Variants in IP6K1 observed in about 807,000 individuals in gnomAD.
The protein encoded by IP6K1 is ATP:1D-myo-inositol-hexakisphosphate phosphotransferase.
Under a neutral mutation model 38.3 loss-of-function variants are expected in IP6K1, and 13 were observed. The observed-to-expected ratio is 0.34, with a 90% confidence interval of 0.22 to 0.54. The LOEUF is 0.54. Ranked by LOEUF, IP6K1 falls within the 20% of genes least tolerant of loss-of-function variation. The pLI is 0.92. For synonymous variants in IP6K1, 212 were observed against 229.9 expected, an observed-to-expected ratio of 0.92 and a Z score of 0.70; for missense variants, 397 against 599.8, an observed-to-expected ratio of 0.66 and a Z score of 3.53.
chr3:49,772,314 T>TA (rs2080967505), intron 1 of IP6K1, among the ~76,000 whole-genome samples: 1 of 147,566 alleles, frequency 6.8e-6, no homozygotes, highest in African/African-American at 2.5e-5. Flanking sequence ...TTAATATATT[T>TA]TATATATATA....
At chr3:49,766,093 G>A (rs2080909139) in intron 1 of IP6K1, among the ~76,000 whole-genome samples, 1 of 151,818 alleles carries the variant, frequency 6.6e-6, no homozygotes, top group Non-Finnish European at 1.5e-5. Flanking sequence ...GGAGAATGGT[G>A]TCAATCCGGG....
chr3:49,773,021 TG>T (rs2080972963), intron 1 of IP6K1, among the ~76,000 whole-genome samples: 2 of 151,796 alleles, frequency 1.3e-5, no homozygotes, highest in African/African-American at 4.8e-5. Context: ...AAGCGGGCCT[TG>T]CTGGGTTGTC....
At chr3:49,735,949 T>C (rs2080607074) in intron 3 of IP6K1, among the ~76,000 whole-genome samples, 1 of 152,166 alleles carries the variant, frequency 6.6e-6, no homozygotes, top group Admixed American at 6.5e-5. Context: ...GAGTTTTCAC[T>C]CTTGTTGCCC....
intron 2 of IP6K1, among the ~76,000 whole-genome samples, chr3:49,742,838 T>C (rs193056050): frequency 3.7e-4 from 55 of 148,882 alleles, no homozygotes; most frequent in African/African-American, 1.4e-3. Flanking sequence ...CTGTGGTGAG[T>C]TGAGATCGTG....
chr3:49,757,220 C>A (rs1442565624), intron 1 of IP6K1, among the ~76,000 whole-genome samples: 3 of 152,192 alleles, frequency 2.0e-5, no homozygotes, highest in African/African-American at 4.8e-5. Context: ...AAAGCCTGGT[C>A]TCACACATTA....
At chr3:49,729,256 T>TATAAATGAATC (rs1441337889) in intron 4 of IP6K1, among the ~76,000 whole-genome samples, 2 of 152,214 alleles carry the variant, frequency 1.3e-5, no homozygotes, top group African/African-American at 4.8e-5. Flanking sequence ...TCAAGATTCA[T>TATAAATGAATC]TTATGTTGTA....
At chr3:49,747,774 T>TA in intron 2 of IP6K1, 44 bp downstream of exon 2, 1 of 1,611,708 alleles carries the variant, frequency 6.2e-7, no homozygotes, top group Non-Finnish European at 8.5e-7. Context: ...AAGGGGTCTA[T>TA]AAGCCCAAGG....
At chr3:49,786,251 C>T (rs2081112149) in intron 1 of IP6K1, 103 bp downstream of exon 1, 1 of 152,268 alleles carries the variant, frequency 6.6e-6, no homozygotes. Flanking sequence ...GTGATGGCCC[C>T]ACCGGAGCCC....
rs3749238 is a variant in IP6K1, at chr3:49,726,244, C to G, written c.*878G>C. 6.5e-6 allele frequency: 1 copy of G among 153,132 alleles called. No individual in the cohort carries two copies. Among genetic ancestry groups the G allele is most frequent in the East Asian group, 1.9e-4 (1 of 5,194 alleles). The allele number at this position is 153,132 out of a possible 1,614,324, so 9.5% of individuals were successfully genotyped here. A position where few individuals can be genotyped will look rare whatever the true frequency, so the allele number is the denominator to read the frequency against. ...CTGAGCGGACCACAGCCCTTGAGCCCTGGGAGGAGCAGCCCATCCAGCAGC... is the reference window on the plus strand; with the variant it reads ...CTGAGCGGACCACAGCCCTTGAGCCGTGGGAGGAGCAGCCCATCCAGCAGC... On this transcript the variant is annotated 3_prime_UTR_variant, in exon 6 of 6. Coordinates refer to ENST00000321599, the MANE Select transcript of IP6K1 (RefSeq NM_153273.4).
chr3:49,740,321 T>C (rs1005401550), intron 2 of IP6K1, among the ~76,000 whole-genome samples: 1 of 150,684 alleles, frequency 6.6e-6, no homozygotes. Context: ...CCTCTTGCCT[T>C]CGCTTCCCAA....
intron 1 of IP6K1, chr3:49,775,375 G>C (rs1381575692): frequency 2.8e-6 from 1 of 352,066 alleles, no homozygotes; most frequent in Non-Finnish European, 5.5e-6. Context: ...CAGCAAGTGT[G>C]TGATTTGTGA....
At chr3:49,754,960 T>C (rs1439020252) in intron 1 of IP6K1, among the ~76,000 whole-genome samples, 3 of 151,298 alleles carry the variant, frequency 2.0e-5, no homozygotes, top group African/African-American at 7.3e-5. Context: ...TCTCACACTG[T>C]TGTCCAGACT....
chr3:49,729,783 G>A (rs531026679), intron 4 of IP6K1, among the ~76,000 whole-genome samples: 2 of 151,968 alleles, frequency 1.3e-5, no homozygotes, highest in South Asian at 2.1e-4. Context: ...AGGCTGGAGT[G>A]CAGTGGCTGG....
chr3:49,751,014 T>C (rs1379398031), intron 1 of IP6K1, among the ~76,000 whole-genome samples: 1 of 152,220 alleles, frequency 6.6e-6, no homozygotes, highest in Non-Finnish European at 1.5e-5. Context: ...AAGGTGTGGA[T>C]GGAGCCTCAT....
rs2080720402 is a variant in IP6K1, at chr3:49,746,317, AGATG to A, written c.223+1497_223+1500del. Reference sequence around the variant, plus strand: ...GGAAACAACCCAGGTGTCCATCAACAGATGAATGAATAAACAAAATGTGGTATAC... The same window carrying A: ...GGAAACAACCCAGGTGTCCATCAACAAATGAATAAACAAAATGTGGTATAC... On this transcript the variant is annotated intron_variant, in intron 2 of 5. Transcript: ENST00000321599. Among the ~76,000 whole-genome samples the A allele has an allele frequency of 2.0e-5, 3 of 151,094 alleles. No homozygotes were observed. The South Asian group carries it at 6.3e-4, about 32-fold the overall frequency.
intron 1 of IP6K1, among the ~76,000 whole-genome samples, chr3:49,776,434 T>C (rs1480941841): frequency 1.3e-5 from 2 of 151,990 alleles, no homozygotes; most frequent in East Asian, 3.9e-4. Flanking sequence ...GGAAAATTAC[T>C]TGAACCTGGG....
Position 49,728,072 on chromosome 3 carries a change from AGC to A in IP6K1, c.792+29_792+30del, listed in dbSNP as rs2080525528. 1.9e-6 allele frequency: 3 copies of A among 1,593,338 alleles called. No homozygotes were observed. The African/African-American group carries it at 4.0e-5, about 21-fold the overall frequency. On this transcript the variant is annotated intron_variant, in intron 5 of 5. Coordinates refer to ENST00000321599, the MANE Select transcript of IP6K1 (RefSeq NM_153273.4). ...GCACAACCCAAATCATGCAAGTGGC[AGC>A]ACCTAGGCTCTGAGCAGAGGTAACT... is the stretch of plus-strand genomic sequence containing the variant.
intron 4 of IP6K1, among the ~76,000 whole-genome samples, chr3:49,731,907 G>GAAAAAAAAAAAAAAAAAAAAAAAAAAAAA (rs1277207284): frequency 1.0e-4 from 7 of 69,082 alleles, no homozygotes; most frequent in South Asian, 6.5e-4. Context: ...AAAAAAAAAG[G>GAAAAAAAAAAAAAAAAAAAAAAAAAAAAA]AATTCCTATG....
At chr3:49,769,579 T>C (rs1316709182) in intron 1 of IP6K1, among the ~76,000 whole-genome samples, 2 of 152,346 alleles carry the variant, frequency 1.3e-5, no homozygotes, top group Middle Eastern at 3.4e-3. Context: ...TTTTAAACTA[T>C]GTCAAATTTT....
Sources: gnomAD v4.1 joint callset for allele counts (sites outside exome capture counted in the v4.1 genomes callset) on GRCh38, gnomAD v4.1.1 for gene constraint, MANE v1.5 for transcripts, NCBI Gene and HGNC (gene_info 2026-07-23, HGNC 2026-07-21) for gene names.